HEATR4: variants seen among roughly 807,000 people sequenced by gnomAD.
HEATR4 encodes HEAT repeat containing 4, also known as HEAT repeat-containing protein 4.
HEATR4 carries 95 observed loss-of-function variants against 108.8 expected under a neutral mutation model. That is an observed-to-expected ratio of 0.87 (90% CI 0.74 to 1.04). The LOEUF (loss-of-function observed/expected upper bound fraction) is 1.04, where lower values mean the gene tolerates loss of function less well. HEATR4 is among the 50% of genes least tolerant of loss of function. The probability of loss-of-function intolerance (pLI) is 0.00; values close to 1 mark genes in which losing one functional copy is unlikely to be tolerated. For missense variants in HEATR4, 1,152 were observed against 1,253.8 expected (o/e 0.92, Z 1.23); for synonymous variants, 443 against 459.4 (o/e 0.96, Z 0.46).
chr14:73,478,572 C>G lies in HEATR4; in HGVS notation c.*34G>C, dbSNP rs967817569. 7.0e-7 allele frequency: 1 copy of G among 1,432,382 alleles called. No homozygotes were observed. The highest frequency in any genetic ancestry group is 1.7e-5 in the Admixed American group (1 of 57,646). The allele number at this position is 1,432,382 out of a possible 1,614,324, so 88.7% of individuals were successfully genotyped here. ...AGACCCAATGTGACCAGGTCCACTG[C>G]TTCCTGCATCTTGAAGTAAGACAAG... On this transcript the variant is annotated 3_prime_UTR_variant, in exon 18 of 18. Coordinates refer to ENST00000553558, the MANE Select transcript of HEATR4 (RefSeq NM_001220484.1).
rs1887056720 is a variant in HEATR4 at position 73,509,365 on chromosome 14, A to G, written c.1667T>C (p.Ile556Thr). ...RMAAAICQYA[I>T]QSHNPLARNI... ...CCGGGCAAGGGGATTATGTGACTGTATGGCATATTGGCATATTGCTGCTGC... is the reference window on the plus strand; with the variant it reads ...CCGGGCAAGGGGATTATGTGACTGTGTGGCATATTGGCATATTGCTGCTGC... The change falls in exon 8 of 18, where the codon ATA becomes ACA. Residue 556 changes from isoleucine (I) to threonine (T), a missense_variant. Ile to Thr is a moderately conservative substitution (Grantham distance 89). Transcript: ENST00000553558. 1.2e-6 allele frequency: 2 copies of G among 1,614,110 alleles called. No individual in the cohort carries two copies. Among genetic ancestry groups the G allele is most frequent in the Non-Finnish European group, 1.7e-6 (2 of 1,180,022 alleles).
chr14:73,548,868 T>G (rs1349189238), intron 1 of HEATR4, among the ~76,000 whole-genome samples: 1 of 114,676 alleles, frequency 8.7e-6, no homozygotes, highest in Non-Finnish European at 1.9e-5. Context: ...ATTAACACAC[T>G]GTGAAAGGAT....
At chr14:73,564,721 GTTTTTTGTT>G in the HEATR4 span, among the ~76,000 whole-genome samples, 11 of 83,568 alleles carry the variant, frequency 1.3e-4, no homozygotes, top group African/African-American at 4.6e-4. Flanking sequence ...TATCTTTTCT[GTTTTTTGTT>G]TTTTTTTTTT....
chr14:73,609,955 C>T, the HEATR4 span, among the ~76,000 whole-genome samples: 39 of 151,950 alleles, frequency 2.6e-4, no homozygotes, highest in African/African-American at 9.4e-4. Flanking sequence ...TTTTAAACAA[C>T]AGAATTCCTC....
At chr14:73,517,841 C>T (rs988773974) in intron 5 of HEATR4, among the ~76,000 whole-genome samples, 1 of 152,062 alleles carries the variant, frequency 6.6e-6, no homozygotes, top group African/African-American at 2.4e-5. Flanking sequence ...GTAATCCCAG[C>T]ACTTTGGGAG....
At chr14:73,480,355 C>T (rs1354403273) in intron 17 of HEATR4, among the ~76,000 whole-genome samples, 4 of 152,076 alleles carry the variant, frequency 2.6e-5, no homozygotes, top group South Asian at 2.1e-4. Context: ...GCAGAAGAAT[C>T]GCTTGAACCA....
chr14:73,612,506 G>C, the HEATR4 span: 1 of 1,108,202 alleles, frequency 9.0e-7, no homozygotes, highest in Non-Finnish European at 1.2e-6. Context: ...CCAGCGCTCG[G>C]CAAAGCCGCC....
chr14:73,521,085 G>A, intron 3 of HEATR4, 46 bp from the exon 4 acceptor site: 11 of 1,520,174 alleles, frequency 7.2e-6, no homozygotes, highest in Non-Finnish European at 1.0e-5. Context: ...AGAGTAGGAG[G>A]TGGATCCCCC....
At chr14:73,569,512 A>G in the HEATR4 span, 42,720 of 1,609,506 alleles carry the variant, frequency 0.027, 1,338 homozygotes, top group South Asian at 0.09. Context: ...CTAGCCCCGG[A>G]GCAGCCGGTC....
chr14:73,601,334 C>T, the HEATR4 span, among the ~76,000 whole-genome samples: 8 of 149,002 alleles, frequency 5.4e-5, no homozygotes, highest in Non-Finnish European at 8.8e-5. Context: ...GAGGCTGAGG[C>T]GGACAGATCA....
chr14:73,592,007 C>A, the HEATR4 span: 2 of 1,429,616 alleles, frequency 1.4e-6, no homozygotes, highest in Non-Finnish European at 1.8e-6. Context: ...GCTGCTGGAA[C>A]GAGCCGGTGC....
At position 73,506,526 on chromosome 14, in the gene HEATR4, A is replaced by C. The variant is rs12894425; in HGVS notation, c.1927T>G (p.Trp643Gly). ...MLAVELNSCQWKNRIVACQAF... is the reference protein window; with the variant it reads ...MLAVELNSCQGKNRIVACQAF... ...TGGCAGGCCACAATCCGGTTCTTCC[A>C]TTGACAGCTGTTCAGCTCCACAGCA... is the stretch of plus-strand genomic sequence containing the variant. The change falls in exon 10 of 18, where the codon TGG becomes GGG. Residue 643 changes from tryptophan (W) to glycine (G), a missense_variant. Coordinates refer to ENST00000553558, the MANE Select transcript of HEATR4 (RefSeq NM_001220484.1). The C allele has an allele frequency of 1.9e-6, 3 of 1,613,904 alleles. No homozygotes were observed. Among genetic ancestry groups the C allele is most frequent in the Non-Finnish European group, 2.5e-6 (3 of 1,180,034 alleles).
chr14:73,629,675 C>T, the HEATR4 span, among the ~76,000 whole-genome samples: 5 of 150,488 alleles, frequency 3.3e-5, no homozygotes, highest in East Asian at 9.7e-4. Flanking sequence ...GATGGAGTCT[C>T]ACTCTGTTGC....
chr14:73,529,669 C>T (rs778405141), intron 2 of HEATR4, among the ~76,000 whole-genome samples: 10 of 152,148 alleles, frequency 6.6e-5, no homozygotes, highest in African/African-American at 1.9e-4. Flanking sequence ...GCTTATCAGT[C>T]GCTTACCCTC....
At chr14:73,504,918 A>G (rs1886714914) in intron 10 of HEATR4, among the ~76,000 whole-genome samples, 1 of 151,434 alleles carries the variant, frequency 6.6e-6, no homozygotes. Flanking sequence ...GAGCCCCACC[A>G]TCTTCACCGA....
chr14:73,574,483 A>C, the HEATR4 span: 2 of 319,170 alleles, frequency 6.3e-6, no homozygotes, highest in Non-Finnish European at 1.2e-5. Flanking sequence ...GACTGATCTC[A>C]AACTCCTGAC....
chr14:73,533,445 G>T (rs35719974), intron 1 of HEATR4, among the ~76,000 whole-genome samples: 1 of 113,972 alleles, frequency 8.8e-6, no homozygotes, highest in African/African-American at 2.8e-5. Flanking sequence ...TTGGGAGGCC[G>T]AGGAGGGTAG....
the HEATR4 span, chr14:73,567,920 C>G: frequency 6.6e-6 from 1 of 152,120 alleles, no homozygotes; most frequent in Non-Finnish European, 1.5e-5. Context: ...CCGGACGCAT[C>G]TGAACATCAG....
chr14:73,595,699 A>G, the HEATR4 span: 89 of 1,504,460 alleles, frequency 5.9e-5, 3 homozygotes, highest in South Asian at 1.2e-3. Flanking sequence ...ATCAGATTCT[A>G]GTGTTCAGTA....
Sources: allele counts gnomAD v4.1 joint callset (sites outside exome capture counted in the v4.1 genomes callset), GRCh38; gene constraint gnomAD v4.1.1; transcripts MANE v1.5; gene names NCBI Gene and HGNC (gene_info 2026-07-23, HGNC 2026-07-21).